Variants in SLC13A3 observed in about 807,000 individuals in gnomAD.
SLC13A3 encodes the protein solute carrier family 13 member 3, also known as Na(+)/dicarboxylate cotransporter 3.
A neutral mutation model predicts 59.0 loss-of-function variants in SLC13A3; 40 were observed. The observed-to-expected ratio is 0.68, with a 90% CI of 0.53 to 0.88. The LOEUF is 0.88. Among genes scored for constraint, SLC13A3 ranks in the 40% least tolerant of loss-of-function variants. The pLI, the probability that SLC13A3 is intolerant of heterozygous loss-of-function variation, is 0.00. For synonymous variants in SLC13A3, 317 were observed against 330.3 expected (o/e 0.96, Z 0.44); for missense variants, 699 against 783.2 (o/e 0.89, Z 1.28).
At chr20:46,577,061 T>C (rs1047506909) in intron 9 of SLC13A3, among the ~76,000 whole-genome samples, 1 of 37,940 alleles carries the variant, frequency 2.6e-5, no homozygotes, top group Non-Finnish European at 6.1e-5. Flanking sequence ...GTGTATGCAG[T>C]CTACAGACGT....
chr20:46,569,481 C>T (rs1288309480), intron 10 of SLC13A3, among the ~76,000 whole-genome samples: 1 of 152,192 alleles, frequency 6.6e-6, no homozygotes, highest in Non-Finnish European at 1.5e-5. Flanking sequence ...TGTCACTTAA[C>T]TTCCTAGGCA....
chr20:46,603,909 T>TG (rs2062408469), intron 3 of SLC13A3, among the ~76,000 whole-genome samples: 1 of 150,518 alleles, frequency 6.6e-6, no homozygotes, highest in Admixed American at 6.6e-5. Context: ...GAGGATTGCT[T>TG]GATCTAGGGA....
chr20:46,631,990 C>G (rs1313641061), intron 1 of SLC13A3, among the ~76,000 whole-genome samples: 1 of 152,194 alleles, frequency 6.6e-6, no homozygotes, highest in Non-Finnish European at 1.5e-5. Context: ...CCACTGTCCC[C>G]TTCCCCCTGC....
intron 1 of SLC13A3, 37 bp from the exon 2 acceptor site, chr20:46,613,762 G>T: frequency 1.9e-6 from 3 of 1,549,236 alleles, no homozygotes; most frequent in Non-Finnish European, 2.6e-6. Flanking sequence ...GGTCAGCGGG[G>T]CTCGGGGCAG....
At chr20:46,638,005 T>A (rs2062811052) in intron 1 of SLC13A3, among the ~76,000 whole-genome samples, 2 of 152,160 alleles carry the variant, frequency 1.3e-5, no homozygotes. Flanking sequence ...GCGGTTGATG[T>A]CTGGTTTAGT....
chr20:46,662,068 TTCC>T (rs1284573880), intron 1 of SLC13A3, among the ~76,000 whole-genome samples: 2 of 152,198 alleles, frequency 1.3e-5, no homozygotes, highest in African/African-American at 4.8e-5. Flanking sequence ...AGCTGGTTTC[TTCC>T]TGCCCATCCA....
chr20:46,647,619 C>T (rs1007076855), intron 1 of SLC13A3, among the ~76,000 whole-genome samples: 2 of 152,184 alleles, frequency 1.3e-5, no homozygotes, highest in Non-Finnish European at 1.5e-5. Context: ...CATCCCACTC[C>T]TTTTCATCCC....
intron 10 of SLC13A3, among the ~76,000 whole-genome samples, chr20:46,566,946 G>A (rs1040134954): frequency 4.6e-5 from 7 of 152,068 alleles, no homozygotes; most frequent in Non-Finnish European, 8.8e-5. Context: ...TTATACGCCT[G>A]TAATCCCAGC....
chr20:46,652,299 A>C (rs2062957114), upstream of SLC13A3, among the ~76,000 whole-genome samples: 1 of 152,246 alleles, frequency 6.6e-6, no homozygotes, highest in African/African-American at 2.4e-5. Flanking sequence ...TTTAAATGAG[A>C]TAACACATGT....
rs752990690 is a variant in SLC13A3, at chr20:46,610,481, C to T, written c.506G>A (p.Arg169Gln). ...LKSLFGQKEV[R>Q]KDPSQESEEN... ...TTCACTCTCCTGGCTGGGGTCCTTT[C>T]GAACCTCCTTCTGGCCAAAGAGACT... Residue 169 changes from arginine to glutamine, a missense_variant, in exon 3 of 13, where the codon CGA becomes CAA. Physicochemically the swap from Arg to Gln is conservative, Grantham distance 43. Transcript: ENST00000279027. The T allele has an allele frequency of 2.7e-5, 44 of 1,613,864 alleles. No homozygotes were observed. Among genetic ancestry groups the T allele is most frequent in the South Asian group, 2.4e-4 (22 of 91,046 alleles).
At chr20:46,567,621 G>A (rs1057130897) in intron 10 of SLC13A3, among the ~76,000 whole-genome samples, 1 of 151,884 alleles carries the variant, frequency 6.6e-6, no homozygotes, top group Non-Finnish European at 1.5e-5. Context: ...GACGGGTAGA[G>A]AAGTTCACCG....
chr20:46,671,865 A>G (rs2063094405), upstream of SLC13A3, among the ~76,000 whole-genome samples: 1 of 152,232 alleles, frequency 6.6e-6, no homozygotes, highest in Non-Finnish European at 1.5e-5. Flanking sequence ...GGCAGTCCCC[A>G]AAAGAGCTAA....
chr20:46,578,145 T>C (rs1314378637), intron 9 of SLC13A3, among the ~76,000 whole-genome samples: 1 of 151,768 alleles, frequency 6.6e-6, no homozygotes, highest in Non-Finnish European at 1.5e-5. Flanking sequence ...TTCTCCAGGA[T>C]GGTCTCGATC....
At chr20:46,604,009 CAGAA>C (rs1229559096) in intron 3 of SLC13A3, among the ~76,000 whole-genome samples, 4 of 149,164 alleles carry the variant, frequency 2.7e-5, no homozygotes, top group Admixed American at 6.7e-5. Context: ...AAAAAAAAGA[CAGAA>C]AGAATTTAAC....
intron 3 of SLC13A3, chr20:46,600,558 T>G (rs1286003888): frequency 9.2e-6 from 4 of 436,340 alleles, no homozygotes; most frequent in Non-Finnish European, 1.9e-5. Context: ...CAGGGCTGCT[T>G]GACAACCCAT....
In SLC13A3 at chr20:46,590,455, C is replaced by T. The variant is rs550241956; in HGVS notation, c.921-1200G>A. ...TCATCTTTCTAAAATATAAAGCATACCAGAAACTAGTAAGAACAAGACCAA... is the reference window on the plus strand; with the variant it reads ...TCATCTTTCTAAAATATAAAGCATATCAGAAACTAGTAAGAACAAGACCAA... On this transcript the variant is annotated intron_variant, in intron 6 of 12. Transcript: ENST00000279027. Among the ~76,000 whole-genome samples the T allele has an allele frequency of 1.4e-4, 21 of 152,008 alleles. No individual in the cohort carries two copies. In the East Asian group the frequency reaches 4.1e-3, roughly 29 times the overall value.
At chr20:46,631,784 G>A (rs927539162) in intron 1 of SLC13A3, among the ~76,000 whole-genome samples, 45 of 152,090 alleles carry the variant, frequency 3.0e-4, no homozygotes, top group African/African-American at 7.2e-4. Flanking sequence ...GGTGAGAGAC[G>A]GGTGGAGAGA....
chr20:46,655,753 A>T (rs1020022073), upstream of SLC13A3, among the ~76,000 whole-genome samples: 14 of 145,508 alleles, frequency 9.6e-5, no homozygotes, highest in East Asian at 2.6e-3. Flanking sequence ...CTATATATAT[A>T]TTTTATACAA....
At chr20:46,580,582 G>A (rs2062126443) in intron 9 of SLC13A3, among the ~76,000 whole-genome samples, 1 of 152,046 alleles carries the variant, frequency 6.6e-6, no homozygotes, top group Admixed American at 6.6e-5. Context: ...TATAAAGCCA[G>A]TAAAAGCCAG....
Sources: allele counts gnomAD v4.1 joint callset (sites outside exome capture counted in the v4.1 genomes callset), GRCh38; gene constraint gnomAD v4.1.1; transcripts MANE v1.5; gene names NCBI Gene and HGNC (gene_info 2026-07-23, HGNC 2026-07-21).